The following CLASP1 variants were observed in gnomAD, a reference collection of about 807,000 sequenced individuals.
CLASP1 encodes the protein CLIP-associating protein 1.
In CLASP1, 38 loss-of-function variants were observed where a neutral mutation model predicts 192.3. That is an observed-to-expected ratio of 0.20 (90% CI 0.15 to 0.26). The LOEUF is 0.26. CLASP1 is among the 10% of genes least tolerant of loss of function. The pLI, the probability that CLASP1 is intolerant of heterozygous loss-of-function variation, is 1.00. For synonymous variants in CLASP1, 691 were observed against 712.8 expected, an observed-to-expected ratio of 0.97 and a Z score of 0.49; for missense variants, 1,433 against 1,932.5, an observed-to-expected ratio of 0.74 and a Z score of 4.85.
chr2:121,423,912 G>A (rs1310341259), intron 22 of CLASP1, among the ~76,000 whole-genome samples: 1 of 152,126 alleles, frequency 6.6e-6, no homozygotes, highest in Admixed American at 6.5e-5. Context: ...AGACTTTCAT[G>A]AGCTGGACTC....
chr2:121,517,938 G>A (rs1219745355), intron 6 of CLASP1, among the ~76,000 whole-genome samples: 1 of 122,770 alleles, frequency 8.1e-6, no homozygotes, highest in African/African-American at 3.2e-5. Context: ...TATAATCCCA[G>A]CACTCTGGAA....
intron 2 of CLASP1, among the ~76,000 whole-genome samples, chr2:121,542,252 CTT>C (rs1391806602): frequency 1.3e-5 from 2 of 152,300 alleles, no homozygotes; most frequent in Admixed American, 1.3e-4. Context: ...CTCTCATCCT[CTT>C]AGTACAAATG....
intron 37 of CLASP1, among the ~76,000 whole-genome samples, chr2:121,353,718 T>C (rs1274751299): frequency 6.6e-6 from 1 of 152,240 alleles, no homozygotes; most frequent in Admixed American, 6.5e-5. Context: ...ACTGGCACAA[T>C]GTCCAGTATA....
chr2:121,360,461 G>A (rs992498025), intron 37 of CLASP1, among the ~76,000 whole-genome samples: 18 of 152,068 alleles, frequency 1.2e-4, no homozygotes, highest in Non-Finnish European at 2.1e-4. Context: ...GAACTATTAC[G>A]TGCCATATTA....
intron 1 of CLASP1, among the ~76,000 whole-genome samples, chr2:121,642,702 A>C (rs2072368361): frequency 6.6e-6 from 1 of 152,210 alleles, no homozygotes; most frequent in African/African-American, 2.4e-5. Flanking sequence ...ACTTCACTCC[A>C]GCCTGGGCGT....
chr2:121,407,643 T>C, exon 25 of CLASP1: 2 of 1,613,972 alleles, frequency 1.2e-6, no homozygotes, highest in Non-Finnish European at 1.7e-6. Flanking sequence ...GAGCAAACAC[T>C]TGAGGCATCA....
At chr2:121,367,997 C>T (rs2067772767) in intron 34 of CLASP1, among the ~76,000 whole-genome samples, 166 bp from the exon 36 acceptor site, 1 of 152,242 alleles carries the variant, frequency 6.6e-6, no homozygotes, top group Admixed American at 6.5e-5. Context: ...AATCCGTAAA[C>T]TACCATAAAA....
At chr2:121,460,957 A>T in intron 11 of CLASP1, 144 bp downstream of exon 11, 1 of 595,872 alleles carries the variant, frequency 1.7e-6, no homozygotes, top group Non-Finnish European at 2.9e-6. Flanking sequence ...ACTCTACTAA[A>T]AAGGTGAAGT....
intron 36 of CLASP1, 126 bp from the exon 38 acceptor site, chr2:121,363,426 A>G (rs1340359267): frequency 4.7e-6 from 5 of 1,055,234 alleles, no homozygotes; most frequent in Non-Finnish European, 5.4e-6. Context: ...AGAACCCTCT[A>G]AACAGATCAC....
chr2:121,340,793 G>T, exon 40 of CLASP1: 1 of 1,172,046 alleles, frequency 8.5e-7, no homozygotes, highest in Non-Finnish European at 1.3e-6. Context: ...CGATGAAGGG[G>T]GTGGGGAAAG....
chr2:121,575,181 G>A (rs559241176), intron 2 of CLASP1, among the ~76,000 whole-genome samples: 2 of 151,472 alleles, frequency 1.3e-5, no homozygotes, highest in South Asian at 4.2e-4. Context: ...GCGCGATCTC[G>A]GCTCACTGCA....
chr2:121,403,317 T>G, intron 26 of CLASP1: 1 of 432,140 alleles, frequency 2.3e-6, no homozygotes, highest in Non-Finnish European at 4.7e-6. Flanking sequence ...TTCTTTTCTA[T>G]ATCCCTGCCC....
intron 7 of CLASP1, among the ~76,000 whole-genome samples, chr2:121,508,763 G>A (rs1410234713): frequency 6.6e-6 from 1 of 152,098 alleles, no homozygotes; most frequent in Non-Finnish European, 1.5e-5. Flanking sequence ...AAGATTCAAA[G>A]TCACAAAGTG....
chr2:121,574,647 A>C lies in CLASP1; in HGVS notation c.195+31054T>G, dbSNP rs189227763. Among the ~76,000 whole-genome samples, 917 of 150,360 alleles carry C rather than the reference A, an allele frequency of 6.1e-3. 7 individuals carry two copies. The highest frequency in any genetic ancestry group is 0.02 in the African/African-American group (811 of 40,880). Reference sequence around the variant, plus strand: ...AAGACTCCATATCAAAAAAAAAAAAAAAAAACAAAAACCGGGTGCGGTGGC... The same window carrying C: ...AAGACTCCATATCAAAAAAAAAAAACAAAAACAAAAACCGGGTGCGGTGGC... On this transcript the variant is annotated intron_variant, in intron 2 of 39. Coordinates refer to ENST00000263710, the Ensembl canonical transcript of CLASP1.
intron 1 of CLASP1, among the ~76,000 whole-genome samples, chr2:121,641,671 T>C (rs951691651): frequency 1.2e-4 from 19 of 152,168 alleles, no homozygotes; most frequent in African/African-American, 4.6e-4. Flanking sequence ...TATTCTTTTT[T>C]AAAATAAACA....
chr2:121,401,475 A>C, intron 28 of CLASP1, 34 bp downstream of exon 29: 1 of 1,562,766 alleles, frequency 6.4e-7, no homozygotes, highest in Non-Finnish European at 8.7e-7. Context: ...AGTATCCTGT[A>C]ACATCAAAAT....
At chr2:121,567,232 A>G (rs2059585370) in intron 2 of CLASP1, among the ~76,000 whole-genome samples, 1 of 152,222 alleles carries the variant, frequency 6.6e-6, no homozygotes, top group East Asian at 1.9e-4. Context: ...CAAACAGTCG[A>G]GCACCGCTGT....
Position 121,469,576 on chromosome 2 carries a change from G to A in CLASP1, c.865+232C>T, listed in dbSNP as rs550264015. Among the ~76,000 whole-genome samples, 6 of 152,190 alleles carry A rather than the reference G, an allele frequency of 3.9e-5. No homozygotes were observed. The South Asian group carries it at 1.2e-3, about 32-fold the overall frequency. On this transcript the variant is annotated intron_variant, in intron 9 of 39. Transcript: ENST00000263710. ...CTGTGCTGGCTTCCTTCTCCTGCAG[G>A]CTCCACCTTACTAGAATGTGGCAAA...
At position 121,409,357 on chromosome 2, in the gene CLASP1, G is replaced by A. The variant is rs191710852; in HGVS notation, c.2424+1509C>T. ...TTAATTCTACTATCTATTCCTCTGA[G>A]ACATTCTGTCTGGCGCCGTGGTGTC... On this transcript the variant is annotated intron_variant, in intron 24 of 39. Transcript: ENST00000263710. Among the ~76,000 whole-genome samples the A allele has an allele frequency of 2.2e-4, 33 of 152,268 alleles. No homozygotes were observed. In the East Asian group the frequency reaches 5.8e-3, roughly 27 times the overall value.
Sources: allele counts gnomAD v4.1 joint callset (sites outside exome capture counted in the v4.1 genomes callset), GRCh38; gene constraint gnomAD v4.1.1; transcripts MANE v1.5; gene names NCBI Gene and HGNC (gene_info 2026-07-23, HGNC 2026-07-21).